Variants in GABBR1 observed in about 807,000 individuals in gnomAD.
GABBR1 encodes the protein gamma-aminobutyric acid type B receptor subunit 1.
A neutral mutation model predicts 117.7 loss-of-function variants in GABBR1; 35 were observed. The ratio of observed to expected loss-of-function variants is 0.30; its 90% CI spans 0.23 to 0.39. The LOEUF is 0.39. GABBR1 is among the 10% of genes least tolerant of loss of function. The probability of loss-of-function intolerance (pLI) is 1.00; values close to 1 mark genes in which losing one functional copy is unlikely to be tolerated. For missense variants in GABBR1, 709 were observed against 1,241.8 expected (o/e 0.57, Z 6.45); for synonymous variants, 442 against 486.6 (o/e 0.91, Z 1.21).
chr6:29,629,045 G>A (rs1356069196), intron 5 of GABBR1, 42 bp downstream of exon 5: 1 of 1,610,704 alleles, frequency 6.2e-7, no homozygotes, highest in Admixed American at 1.7e-5. Context: ...AGAGTGAAGG[G>A]GAGGGCATTG....
Position 29,613,602 on chromosome 6 carries a change from G to T in GABBR1, c.1324-117C>A. On this transcript the variant is annotated intron_variant, in intron 11 of 22. Transcript: ENST00000377034. This position sits in a 1 kb window ranked among gnomAD's most constrained non-coding sequence, Gnocchi z 4.1. ...TGAATGGATGGTTTGTGTTACTGTT[G>T]TCAGATTGGACACATGTACATTCAA... The T allele has an allele frequency of 7.7e-7, 1 of 1,296,034 alleles. No individual in the cohort carries two copies. The highest frequency in any genetic ancestry group is 1.1e-6 in the Non-Finnish European group (1 of 933,432). 80.3% of individuals were successfully genotyped at this position (1,296,034 alleles called of 1,614,324 possible).
At chr6:29,629,981 G>C (rs1764789341) in intron 4 of GABBR1, 1 of 155,414 alleles carries the variant, frequency 6.4e-6, no homozygotes, top group African/African-American at 2.4e-5. Flanking sequence ...ACCCTAATAT[G>C]TTTCCACCCC....
rs777840382 is a variant in GABBR1 at position 29,608,595 on chromosome 6, C to A, written c.1992+6G>T. On this transcript the variant is annotated splice_donor_region_variant and intron_variant, in intron 16 of 22. Transcript: ENST00000377034. Reference sequence around the variant, plus strand: ...CCTGTAAGGAATTTGCCCACCACCTCCTCACCTGGCAGACGAAAGGAAACT... The same window carrying A: ...CCTGTAAGGAATTTGCCCACCACCTACTCACCTGGCAGACGAAAGGAAACT... The A allele has an allele frequency of 6.2e-7, 1 of 1,612,218 alleles. No homozygotes were observed. Among genetic ancestry groups the A allele is most frequent in the Admixed American group, 1.7e-5 (1 of 59,924 alleles).
chr6:29,609,372 G>T lies in GABBR1; in HGVS notation c.1716C>A (p.Ser572=). The change falls in exon 15 of 23, where the codon TCC becomes TCA. Residue 572 remains serine (S), a synonymous_variant. Coordinates refer to ENST00000377034, the MANE Select transcript of GABBR1 (RefSeq NM_001470.4). This position sits in a 1 kb window ranked among gnomAD's most constrained non-coding sequence, Gnocchi z 4.3. ...TGACCAGGGTCTGGTCAGCTGGGGG[G>T]GACCCTCCTGCATGGCACAGGGGAG... ...WSKTDKWIGG[S]PPADQTLVIK... 2 of 1,612,846 alleles carry T rather than the reference G, an allele frequency of 1.2e-6. No homozygotes were observed. Among genetic ancestry groups the T allele is most frequent in the East Asian group, 2.2e-5 (1 of 44,870 alleles).
Position 29,631,748 on chromosome 6 carries a change from T to A in GABBR1, c.86-149A>T, listed in dbSNP as rs879897507. ...GGGATGGGGCACTAGAGGGTGGGAG[T>A]GGGGACAGGTACAGATCCCCTGGCT... On this transcript the variant is annotated intron_variant, in intron 2 of 22. Transcript: ENST00000377034. The surrounding 1 kb of genome is among the most constrained non-coding windows in gnomAD (Gnocchi z 5.9). 1.5e-5 allele frequency: 10 copies of A among 672,602 alleles called. No homozygotes were observed. The highest frequency in any genetic ancestry group is 2.6e-5 in the Non-Finnish European group (10 of 383,824). 41.7% of individuals were successfully genotyped at this position (672,602 alleles called of 1,614,324 possible). A position where few individuals can be genotyped will look rare whatever the true frequency, so the allele number is the denominator to read the frequency against.
chr6:29,618,405 A>G (rs28359975), intron 11 of GABBR1, among the ~76,000 whole-genome samples: 14,888 of 152,260 alleles, frequency 0.098, 856 homozygotes, highest in Middle Eastern at 0.21. Flanking sequence ...ATAGATTGTC[A>G]AAGAGACACT....
chr6:29,616,165 C>T (rs1249820190), intron 11 of GABBR1, among the ~76,000 whole-genome samples: 1 of 151,446 alleles, frequency 6.6e-6, no homozygotes, highest in African/African-American at 2.4e-5. Flanking sequence ...CGCGCCATTG[C>T]ACTCAAGCCT....
intron 6 of GABBR1, among the ~76,000 whole-genome samples, chr6:29,625,818 CCT>C (rs1764214822): frequency 1.3e-5 from 2 of 152,088 alleles, no homozygotes; most frequent in South Asian, 4.1e-4. Context: ...CCCATCTCTC[CCT>C]GTCATTTTCT....
At position 29,631,397 on chromosome 6, in the gene GABBR1, A is replaced by G; in HGVS notation, c.288T>C (p.Cys96=). Residue 96 remains cysteine (C), a splice_region_variant and synonymous_variant, in exon 3 of 23, where the codon TGT becomes TGC. Coordinates refer to ENST00000377034, the MANE Select transcript of GABBR1 (RefSeq NM_001470.4). This position sits in a 1 kb window ranked among gnomAD's most constrained non-coding sequence, Gnocchi z 5.9. ...GGAGGGGCTTCCGAGGCTACTCACC[A>G]CAGCGGCTGGGTGTGTCCATATCTG... ...SWTDMDTPSR[C]VRICSKSYLT... 6.2e-7 allele frequency: 1 copy of G among 1,614,038 alleles called. No homozygotes were observed. The highest frequency in any genetic ancestry group is 2.2e-5 in the East Asian group (1 of 44,882).
chr6:29,604,678 C>G lies in GABBR1; in HGVS notation c.2569-41G>C. On this transcript the variant is annotated intron_variant, in intron 21 of 22. Coordinates refer to ENST00000377034, the MANE Select transcript of GABBR1 (RefSeq NM_001470.4). The surrounding 1 kb of genome is among the most constrained non-coding windows in gnomAD (Gnocchi z 5.3). ...TGGGCGTGGGGTGGCCCAGCAAGGA[C>G]TGTACTAGTGACTGGCTGATGGAAG... 5 of 1,612,838 alleles carry G rather than the reference C, an allele frequency of 3.1e-6. No homozygotes were observed. Among genetic ancestry groups the G allele is most frequent in the Non-Finnish European group, 4.2e-6 (5 of 1,179,830 alleles).
At chr6:29,625,539 A>G (rs182089787) in intron 6 of GABBR1, among the ~76,000 whole-genome samples, 19 of 152,130 alleles carry the variant, frequency 1.2e-4, no homozygotes, top group East Asian at 9.7e-4. Context: ...CCCCTCCCCA[A>G]TAGATTTCCT....
chr6:29,618,756 A>T (rs953916971), intron 11 of GABBR1, among the ~76,000 whole-genome samples: 8 of 152,300 alleles, frequency 5.3e-5, no homozygotes, highest in Non-Finnish European at 8.8e-5. Context: ...TGTTTTCTCT[A>T]AACTAGGGTT....
At chr6:29,628,044 G>A in intron 5 of GABBR1, 1 of 1,173,350 alleles carries the variant, frequency 8.5e-7, no homozygotes, top group Non-Finnish European at 1.1e-6. Flanking sequence ...AGGAGCAGGA[G>A]GGAGATGTGG....
In GABBR1 at chr6:29,607,680, G is replaced by T. The variant is rs891993413; in HGVS notation, c.1993-462C>A. Among the ~76,000 whole-genome samples, 3 of 152,124 alleles carry T rather than the reference G, an allele frequency of 2.0e-5. No individual in the cohort carries two copies. The highest frequency in any genetic ancestry group is 2.0e-4 in the Admixed American group (3 of 15,280). On this transcript the variant is annotated intron_variant, in intron 16 of 22. Transcript: ENST00000377034. The surrounding 1 kb of genome is among the most constrained non-coding windows in gnomAD (Gnocchi z 5.0). ...TCTTTCATGTATTTTCTAGCCACAC[G>T]ATGCTCCCTATGCCCCTGAAGTAGC...
Position 29,609,373 on chromosome 6 carries a change from G to A in GABBR1, c.1715C>T (p.Ser572Phe), listed in dbSNP as rs769387127. Residue 572 changes from serine (S) to phenylalanine (F), a missense_variant, in exon 15 of 23, where the codon TCC (serine) becomes TTC (phenylalanine). Physicochemically the swap from Ser to Phe is radical, Grantham distance 155. Around this residue, in one of 9 missense-constraint regions of GABBR1, gnomAD observed 251 missense variants for 445.3 expected, o/e 0.56. Transcript: ENST00000377034. The surrounding 1 kb of genome is among the most constrained non-coding windows in gnomAD (Gnocchi z 4.3). ...GACCAGGGTCTGGTCAGCTGGGGGG[G>A]ACCCTCCTGCATGGCACAGGGGAGG... Reference protein sequence around the residue: ...WSKTDKWIGGSPPADQTLVIK... With the variant: ...WSKTDKWIGGFPPADQTLVIK... 11 of 1,612,896 alleles carry A rather than the reference G, an allele frequency of 6.8e-6. No individual in the cohort carries two copies. Among genetic ancestry groups the A allele is most frequent in the South Asian group, 5.5e-5 (5 of 91,072 alleles).
In GABBR1 at chr6:29,627,964, C is replaced by T. The variant is rs1371351565; in HGVS notation, c.497-318G>A. On this transcript the variant is annotated intron_variant, in intron 5 of 22. Transcript: ENST00000377034. The surrounding 1 kb of genome is among the most constrained non-coding windows in gnomAD (Gnocchi z 4.4). ...GAAGGTTGGCTTCCTACGGCCCCCG[C>T]GGCTCTCGCCACCGTCGCCGCCACC... 2 of 1,334,360 alleles carry T rather than the reference C, an allele frequency of 1.5e-6. No individual in the cohort carries two copies. Among genetic ancestry groups the T allele is most frequent in the Non-Finnish European group, 1.9e-6 (2 of 1,051,598 alleles). 82.7% of individuals were successfully genotyped at this position (1,334,360 alleles called of 1,614,324 possible). A position where few individuals can be genotyped will look rare whatever the true frequency, so the allele number is the denominator to read the frequency against.
intron 13 of GABBR1, among the ~76,000 whole-genome samples, chr6:29,612,185 T>G (rs963181910): frequency 2.0e-5 from 3 of 149,856 alleles, no homozygotes; most frequent in Non-Finnish European, 4.4e-5. Context: ...TTTTTTTTTT[T>G]GTATTTTTGG....
chr6:29,608,177 TC>T (rs983820514), intron 16 of GABBR1, among the ~76,000 whole-genome samples: 19 of 152,094 alleles, frequency 1.2e-4, no homozygotes, highest in Admixed American at 5.9e-4. Context: ...AGTGGTCCCT[TC>T]CCCCCAACTC....
intron 11 of GABBR1, among the ~76,000 whole-genome samples, chr6:29,616,586 G>A (rs1298167849): frequency 6.6e-6 from 1 of 150,582 alleles, no homozygotes; most frequent in African/African-American, 2.4e-5. Context: ...TCAGAAGGCT[G>A]AGGCAGGAGA....
Sources: gnomAD v4.1 joint callset for allele counts (sites outside exome capture counted in the v4.1 genomes callset) on GRCh38, gnomAD v4.1.1 for gene constraint, gnomAD v4.1.1 regional missense constraint, Gnocchi (gnomAD v3.1) non-coding constraint, MANE v1.5 for transcripts, NCBI Gene and HGNC (gene_info 2026-07-23, HGNC 2026-07-21) for gene names.